Variants in DRD2 observed in about 807,000 individuals in gnomAD.
DRD2 encodes the protein D(2) dopamine receptor.
In DRD2, 8 loss-of-function variants were observed where a neutral mutation model predicts 38.0. The observed-to-expected ratio is 0.21, with a 90% CI of 0.12 to 0.38. The LOEUF is 0.38. Among genes scored for constraint, DRD2 ranks in the 10% least tolerant of loss-of-function variants. The pLI is 1.00. For synonymous variants in DRD2, 230 were observed against 238.6 expected, an observed-to-expected ratio of 0.96 and a Z score of 0.33; for missense variants, 403 against 607.7, an observed-to-expected ratio of 0.66 and a Z score of 3.54.
chr11:113,454,208 C>T (rs955995928), intron 1 of DRD2, among the ~76,000 whole-genome samples: 3 of 152,004 alleles, frequency 2.0e-5, no homozygotes, highest in East Asian at 1.9e-4. Flanking sequence ...TATTTACCAG[C>T]GGACACTATA....
At chr11:113,462,934 A>G (rs1951336809) in intron 1 of DRD2, among the ~76,000 whole-genome samples, 1 of 149,118 alleles carries the variant, frequency 6.7e-6, no homozygotes, top group Non-Finnish European at 1.5e-5. Flanking sequence ...CCCAGTTCCT[A>G]AGATATGACT....
intron 1 of DRD2, among the ~76,000 whole-genome samples, chr11:113,458,394 G>GA (rs5794866): frequency 2.0e-4 from 30 of 150,304 alleles, no homozygotes; most frequent in Middle Eastern, 3.5e-3. Flanking sequence ...AATATCACCA[G>GA]AAAAAAAAAA....
At chr11:113,416,161 T>C (rs1177563357) in intron 4 of DRD2, among the ~76,000 whole-genome samples, 1 of 152,240 alleles carries the variant, frequency 6.6e-6, no homozygotes, top group African/African-American at 2.4e-5. Flanking sequence ...TTTAGTGTTA[T>C]TCCCACTTAG....
At chr11:113,472,190 C>T (rs940556346) in intron 1 of DRD2, among the ~76,000 whole-genome samples, 1 of 152,226 alleles carries the variant, frequency 6.6e-6, no homozygotes, top group African/African-American at 2.4e-5. Context: ...CACACAAACA[C>T]ATACACATAC....
At chr11:113,458,205 C>G (rs1436027603) in intron 1 of DRD2, among the ~76,000 whole-genome samples, 1 of 152,228 alleles carries the variant, frequency 6.6e-6, no homozygotes, top group Non-Finnish European at 1.5e-5. Context: ...ACACACACAT[C>G]CCTGTAACAC....
At chr11:113,466,210 T>A (rs1262238929) in intron 1 of DRD2, among the ~76,000 whole-genome samples, 1 of 152,188 alleles carries the variant, frequency 6.6e-6, no homozygotes, top group Non-Finnish European at 1.5e-5. Flanking sequence ...TAAAAGTGCT[T>A]TGTGGAAAGA....
chr11:113,468,365 G>C (rs1014270843), intron 1 of DRD2, among the ~76,000 whole-genome samples: 3 of 152,180 alleles, frequency 2.0e-5, no homozygotes, highest in African/African-American at 7.2e-5. Context: ...AAAACTCATG[G>C]TGAGGCTCAA....
chr11:113,453,836 C>A (rs1406461821), intron 1 of DRD2, among the ~76,000 whole-genome samples: 4 of 152,138 alleles, frequency 2.6e-5, no homozygotes, highest in Admixed American at 2.6e-4. Context: ...TAGGACAGAG[C>A]TTTGTATGTG....
rs1039382986 is a variant in DRD2 at position 113,415,641 on chromosome 11, G to A, written c.533-30C>T. 3.1e-6 allele frequency: 5 copies of A among 1,588,852 alleles called. No homozygotes were observed. In the Admixed American group the frequency reaches 5.4e-5, roughly 17 times the overall value. On this transcript the variant is annotated intron_variant, in intron 4 of 7. Coordinates refer to ENST00000362072, the MANE Select transcript of DRD2 (RefSeq NM_000795.4). The stretch of plus-strand genomic sequence containing the variant: ...GGGAGGGAGAGCCCGGGCAGGCAGG[G>A]AGTCAGCGGGCCCACCGGCCATAAT...
At chr11:113,418,210 T>C in intron 2 of DRD2, 74 bp from the exon 3 acceptor site, 1 of 1,266,342 alleles carries the variant, frequency 7.9e-7, no homozygotes, top group Non-Finnish European at 1.1e-6. Context: ...CTGGTACTCC[T>C]GGAGCCGATG....
intron 1 of DRD2, among the ~76,000 whole-genome samples, chr11:113,459,132 A>G (rs1403247845): frequency 1.3e-5 from 2 of 152,194 alleles, no homozygotes; most frequent in Non-Finnish European, 2.9e-5. Flanking sequence ...CTCCTCTGTA[A>G]AATGGGAGTA....
intron 1 of DRD2, among the ~76,000 whole-genome samples, chr11:113,435,792 G>A (rs1163310061): frequency 6.6e-6 from 1 of 152,188 alleles, no homozygotes; most frequent in African/African-American, 2.4e-5. Flanking sequence ...AGGAGGAAGG[G>A]CTGGGTCTTA....
chr11:113,419,348 C>CT (rs1336062048), intron 2 of DRD2, among the ~76,000 whole-genome samples: 1 of 151,986 alleles, frequency 6.6e-6, no homozygotes, highest in East Asian at 1.9e-4. Context: ...CTGGGGTAGG[C>CT]GGAGGGGTTG....
At chr11:113,445,715 G>A (rs951340302) in intron 1 of DRD2, among the ~76,000 whole-genome samples, 8 of 152,160 alleles carry the variant, frequency 5.3e-5, no homozygotes, top group East Asian at 3.9e-4. Context: ...TCCATTTTTC[G>A]TAGCCATCAT....
intron 2 of DRD2, among the ~76,000 whole-genome samples, chr11:113,423,673 A>G (rs902468713): frequency 6.6e-6 from 1 of 152,196 alleles, no homozygotes; most frequent in African/African-American, 2.4e-5. Flanking sequence ...CACAGTGTCT[A>G]GACTGTGCTG....
intron 1 of DRD2, among the ~76,000 whole-genome samples, chr11:113,458,038 A>G (rs1051023418): frequency 1.3e-5 from 2 of 152,250 alleles, no homozygotes; most frequent in Admixed American, 6.5e-5. Flanking sequence ...TTGAAAAGGA[A>G]TTCAAAGGAC....
rs1231059179 is a variant in DRD2, at chr11:113,418,132, A to G, written c.290T>C (p.Val97Ala). 2 of 1,613,746 alleles carry G rather than the reference A, an allele frequency of 1.2e-6. No homozygotes were observed. The highest frequency in any genetic ancestry group is 2.2e-5 in the East Asian group (1 of 44,878). Residue 97 changes from valine to alanine, a missense_variant, in exon 3 of 8, where the codon GTA becomes GCA. By Grantham distance (64) the Val-to-Ala change is moderately conservative. Transcript: ENST00000362072. ...VMPWVVYLEVVGEWKFSRIHC... is the reference protein window; with the variant it reads ...VMPWVVYLEVAGEWKFSRIHC... ...AATCCTGCTGAATTTCCACTCACCT[A>G]CCACCTGGGGACAAAGCAACATAAT...
chr11:113,414,130 A>G (rs1170016615), intron 6 of DRD2: 7 of 563,918 alleles, frequency 1.2e-5, no homozygotes, highest in African/African-American at 5.6e-5. Context: ...AGCCATTATT[A>G]TCATTTTTAT....
At chr11:113,440,581 A>G (rs1951080628) in intron 1 of DRD2, among the ~76,000 whole-genome samples, 1 of 152,214 alleles carries the variant, frequency 6.6e-6, no homozygotes, top group African/African-American at 2.4e-5. Context: ...AAATAATGCA[A>G]ATCCCAAGTG....
Sources: gnomAD v4.1 joint callset for allele counts (sites outside exome capture counted in the v4.1 genomes callset) on GRCh38, gnomAD v4.1.1 for gene constraint, MANE v1.5 for transcripts, NCBI Gene and HGNC (gene_info 2026-07-23, HGNC 2026-07-21) for gene names.